MTMR3: variants seen among roughly 807,000 people sequenced by gnomAD.
MTMR3 encodes the protein phosphatidylinositol-3,5-bisphosphate 3-phosphatase MTMR3.
A neutral mutation model predicts 132.4 loss-of-function variants in MTMR3; 32 were observed. That is an observed-to-expected ratio of 0.24 (90% CI 0.18 to 0.32). MTMR3 has a LOEUF of 0.32. Among genes scored for constraint, MTMR3 ranks in the 10% least tolerant of loss-of-function variants. The probability of loss-of-function intolerance (pLI) is 1.00; values close to 1 mark genes in which losing one functional copy is unlikely to be tolerated. For missense variants in MTMR3, 1,216 were observed against 1,489.6 expected (o/e 0.82, Z 3.02); for synonymous variants, 556 against 550.3 (o/e 1.01, Z -0.14).
Position 30,007,285 on chromosome 22 carries a change from T to A in MTMR3, c.843T>A (p.Phe281Leu), listed in dbSNP as rs756629957. The change falls in exon 10 of 20, where the codon TTT (phenylalanine) becomes TTA (leucine). Residue 281 changes from phenylalanine to leucine, a missense_variant. Phe to Leu is a conservative substitution (Grantham distance 22). Transcript: ENST00000401950. ...KLSTRNTSRD[F>L]PNGGDLSDVE... ...CAACTAGGAACACTTCTCGAGACTT[T>A]CCCAATGGGGGAGACCTTTCTGACG... 2.0e-5 allele frequency: 33 copies of A among 1,614,088 alleles called. 1 individual carries two copies. The East Asian group carries it at 6.9e-4, about 34-fold the overall frequency.
chr22:29,911,585 GTT>G (rs11418984), intron 1 of MTMR3, among the ~76,000 whole-genome samples: 3 of 145,140 alleles, frequency 2.1e-5, no homozygotes, highest in Non-Finnish European at 3.0e-5. Context: ...CTTGATTTGG[GTT>G]TTTTTTTTTT....
intron 1 of MTMR3, among the ~76,000 whole-genome samples, chr22:29,913,804 T>G (rs2065259036): frequency 6.6e-6 from 1 of 151,896 alleles, no homozygotes; most frequent in Non-Finnish European, 1.5e-5. Context: ...CAGGCTGGAG[T>G]GCGGTGGCGA....
chr22:29,998,919 C>T, intron 8 of MTMR3, 62 bp downstream of exon 8: 1 of 1,059,392 alleles, frequency 9.4e-7, no homozygotes, highest in South Asian at 1.6e-5. Context: ...AACCGCAATT[C>T]TCATGTGGCA....
At chr22:29,988,351 A>G (rs2066897482) in intron 5 of MTMR3, 129 bp from the exon 6 acceptor site, 2 of 532,000 alleles carry the variant, frequency 3.8e-6, no homozygotes, top group South Asian at 6.1e-5. Context: ...GTTGATCCAG[A>G]TAAGTTTGCA....
intron 1 of MTMR3, among the ~76,000 whole-genome samples, chr22:29,935,918 A>G (rs1047679760): frequency 5.9e-5 from 9 of 151,806 alleles, no homozygotes; most frequent in Non-Finnish European, 8.8e-5. Flanking sequence ...ACGCCTGGCT[A>G]ATTTTTAGTA....
intron 1 of MTMR3, among the ~76,000 whole-genome samples, chr22:29,942,584 C>T (rs370861049): frequency 1.6e-4 from 25 of 152,194 alleles, no homozygotes; most frequent in South Asian, 1.5e-3. Context: ...TTCATCCCTC[C>T]GCTACGACCG....
intron 1 of MTMR3, among the ~76,000 whole-genome samples, chr22:29,947,736 G>A (rs764038755): frequency 1.3e-5 from 2 of 151,922 alleles, no homozygotes; most frequent in Non-Finnish European, 2.9e-5. Context: ...CTACTTTTTG[G>A]CTTTAGCTGA....
chr22:30,004,375 G>C (rs1203699189), intron 9 of MTMR3: 1 of 152,186 alleles, frequency 6.6e-6, no homozygotes, highest in Admixed American at 6.5e-5. Flanking sequence ...TTGACCAAAA[G>C]GGGGAAGGTA....
At chr22:29,998,701 C>T in intron 7 of MTMR3, 60 bp from the exon 8 acceptor site, 3 of 1,167,512 alleles carry the variant, frequency 2.6e-6, no homozygotes, top group Middle Eastern at 2.0e-4. Flanking sequence ...GTTTTTATTC[C>T]ACCTGTTTTG....
At chr22:30,013,767 T>G in intron 14 of MTMR3, 1 of 402,472 alleles carries the variant, frequency 2.5e-6, no homozygotes, top group Non-Finnish European at 4.5e-6. Flanking sequence ...TAAACTTAGT[T>G]TTTTTTTAAA....
At chr22:29,923,082 C>T (rs2065449593) in intron 1 of MTMR3, among the ~76,000 whole-genome samples, 1 of 147,800 alleles carries the variant, frequency 6.8e-6, no homozygotes, top group Admixed American at 6.8e-5. Context: ...TGCTCTATTG[C>T]CCAGGCTGGG....
chr22:30,021,016 T>C, intron 17 of MTMR3, 132 bp downstream of exon 17: 1 of 917,938 alleles, frequency 1.1e-6, no homozygotes, highest in South Asian at 1.8e-5. Flanking sequence ...GTAGCCCTGT[T>C]AAGAGAGGCT....
intron 12 of MTMR3, chr22:30,010,944 C>T (rs1379101321): frequency 6.6e-6 from 1 of 152,190 alleles, no homozygotes; most frequent in African/African-American, 2.4e-5. Flanking sequence ...AGGCACTGTG[C>T]TGGGGGTACA....
intron 1 of MTMR3, among the ~76,000 whole-genome samples, chr22:29,900,914 C>T (rs2064992228): frequency 6.6e-6 from 1 of 152,042 alleles, no homozygotes; most frequent in Admixed American, 6.6e-5. Context: ...TGGGGTTTTG[C>T]CACTGGACTC....
At chr22:29,918,204 C>T (rs1427915069) in intron 1 of MTMR3, among the ~76,000 whole-genome samples, 2 of 152,136 alleles carry the variant, frequency 1.3e-5, no homozygotes, top group Non-Finnish European at 2.9e-5. Flanking sequence ...TGAGGGGCAT[C>T]ATCTGTACTT....
intron 5 of MTMR3, chr22:29,983,979 T>C: frequency 6.6e-6 from 1 of 151,646 alleles, no homozygotes; most frequent in East Asian, 1.9e-4. Flanking sequence ...TTATTTTATT[T>C]TTATGTTATG....
At chr22:29,995,021 C>T (rs1239246662) in intron 7 of MTMR3, 1 of 152,270 alleles carries the variant, frequency 6.6e-6, no homozygotes, top group Non-Finnish European at 1.5e-5. Context: ...GGTGATGGCT[C>T]TGTACTAGAG....
At chr22:29,976,065 A>G (rs557740148) in intron 3 of MTMR3, among the ~76,000 whole-genome samples, 3 of 151,786 alleles carry the variant, frequency 2.0e-5, no homozygotes, top group Admixed American at 1.3e-4. Context: ...TAGGAAAATA[A>G]TGGGTTCGTT....
chr22:29,988,222 C>G (rs1385380534), intron 5 of MTMR3: 1 of 269,946 alleles, frequency 3.7e-6, no homozygotes, highest in Non-Finnish European at 7.1e-6. Flanking sequence ...TATATTCTCC[C>G]CTTCTTCCAA....
Sources: gnomAD v4.1 joint callset for allele counts (sites outside exome capture counted in the v4.1 genomes callset) on GRCh38, gnomAD v4.1.1 for gene constraint, MANE v1.5 for transcripts, NCBI Gene and HGNC (gene_info 2026-07-23, HGNC 2026-07-21) for gene names.